Variants in RUNDC3B observed in about 807,000 individuals in gnomAD.
The protein encoded by RUNDC3B is RUN domain containing 3B.
RUNDC3B carries 33 observed loss-of-function variants against 58.4 expected under a neutral mutation model. The ratio of observed to expected loss-of-function variants is 0.56; its 90% confidence interval spans 0.43 to 0.75. The LOEUF (loss-of-function observed/expected upper bound fraction) is 0.75, where lower values mean the gene tolerates loss of function less well. Among genes scored for constraint, RUNDC3B ranks in the 30% least tolerant of loss-of-function variants. RUNDC3B has a pLI of 0.00. For missense variants in RUNDC3B, 501 were observed against 535.7 expected (o/e 0.94, Z 0.64); for synonymous variants, 193 against 195.2 (o/e 0.99, Z 0.10).
chr7:87,820,377 G>A (rs1327897630), intron 10 of RUNDC3B, among the ~76,000 whole-genome samples: 3 of 152,174 alleles, frequency 2.0e-5, no homozygotes, highest in Non-Finnish European at 2.9e-5. Context: ...AACAGGATCT[G>A]AAATTGTGAC....
At chr7:87,735,367 T>C (rs983863698) in intron 4 of RUNDC3B, among the ~76,000 whole-genome samples, 3 of 152,214 alleles carry the variant, frequency 2.0e-5, no homozygotes, top group African/African-American at 7.2e-5. Context: ...CCTCCTGACC[T>C]TCCAGTTTGC....
intron 4 of RUNDC3B, among the ~76,000 whole-genome samples, chr7:87,723,300 TG>T (rs1490531135): frequency 6.6e-6 from 1 of 152,140 alleles, no homozygotes; most frequent in Admixed American, 6.6e-5. Flanking sequence ...CTAAAATATT[TG>T]GAAATTTAGA....
chr7:87,814,101 CTTTT>C (rs528299203), intron 9 of RUNDC3B, among the ~76,000 whole-genome samples: 13 of 138,708 alleles, frequency 9.4e-5, no homozygotes, highest in Non-Finnish European at 1.4e-4. Context: ...TCTTTCTTTC[CTTTT>C]TTTTTTTTTT....
chr7:87,820,769 C>T (rs1199069556), intron 10 of RUNDC3B, among the ~76,000 whole-genome samples: 6 of 151,100 alleles, frequency 4.0e-5, no homozygotes, highest in African/African-American at 1.5e-4. Context: ...AGCATATAAA[C>T]AGAACCAAAG....
chr7:87,649,577 A>G (rs1823365373), intron 1 of RUNDC3B, among the ~76,000 whole-genome samples: 1 of 152,232 alleles, frequency 6.6e-6, no homozygotes, highest in Admixed American at 6.5e-5. Context: ...TGGAAAATAC[A>G]TTGATTTTTG....
chr7:87,719,535 TA>T (rs1215826001), intron 4 of RUNDC3B, among the ~76,000 whole-genome samples: 3 of 151,908 alleles, frequency 2.0e-5, no homozygotes, highest in Admixed American at 1.3e-4. Context: ...AGCTGTAGTA[TA>T]GGGGAAGAAA....
intron 2 of RUNDC3B, chr7:87,694,078 G>T: frequency 6.6e-7 from 1 of 1,512,706 alleles, no homozygotes; most frequent in South Asian, 1.3e-5. Context: ...GTTTTGTAAA[G>T]CCTTCTTTTT....
intron 3 of RUNDC3B, among the ~76,000 whole-genome samples, chr7:87,707,903 A>G (rs1829750620): frequency 6.6e-6 from 1 of 152,084 alleles, no homozygotes; most frequent in Non-Finnish European, 1.5e-5. Context: ...ATATGAGTGA[A>G]ACTGAGGAGA....
At chr7:87,738,352 T>C (rs1038656445) in intron 4 of RUNDC3B, among the ~76,000 whole-genome samples, 1 of 152,012 alleles carries the variant, frequency 6.6e-6, no homozygotes, top group African/African-American at 2.4e-5. Flanking sequence ...AATCCTTCCA[T>C]TTATTTTACT....
intron 10 of RUNDC3B, among the ~76,000 whole-genome samples, chr7:87,827,288 G>T (rs1837866465): frequency 6.6e-6 from 1 of 152,196 alleles, no homozygotes; most frequent in South Asian, 2.1e-4. Context: ...AGGAGTTCGA[G>T]ACCAGCCTGA....
At chr7:87,798,560 T>C (rs1401528844) in intron 8 of RUNDC3B, among the ~76,000 whole-genome samples, 1 of 152,224 alleles carries the variant, frequency 6.6e-6, no homozygotes, top group East Asian at 1.9e-4. Context: ...TGATAACTCT[T>C]ACTTTCTAGC....
At chr7:87,810,822 G>A (rs1373898900) in intron 9 of RUNDC3B, among the ~76,000 whole-genome samples, 1 of 151,914 alleles carries the variant, frequency 6.6e-6, no homozygotes, top group Non-Finnish European at 1.5e-5. Context: ...TGAAATATAT[G>A]CTTTTATAGT....
intron 7 of RUNDC3B, among the ~76,000 whole-genome samples, chr7:87,773,249 C>T (rs922591590): frequency 6.8e-6 from 1 of 147,974 alleles, no homozygotes; most frequent in Non-Finnish European, 1.5e-5. Context: ...CATGAACCCG[C>T]GAGGCGGAGC....
At position 87,694,059 on chromosome 7, in the gene RUNDC3B, A is replaced by G; in HGVS notation, c.239-6362A>G. The G allele has an allele frequency of 1.0e-5, 16 of 1,534,320 alleles. No homozygotes were observed. The South Asian group carries it at 2.1e-4, about 20-fold the overall frequency. On this transcript the variant is annotated intron_variant, in intron 2 of 10. Coordinates refer to ENST00000394654, the MANE Select transcript of RUNDC3B (RefSeq NM_001134405.2). ...TCAGTTAAGTGATCTTTTTTAGTAC[A>G]TTGCATGGGTTTTGTAAAGCCTTCT...
At chr7:87,666,071 A>G (rs1298326313) in intron 2 of RUNDC3B, among the ~76,000 whole-genome samples, 2 of 152,052 alleles carry the variant, frequency 1.3e-5, no homozygotes, top group African/African-American at 4.8e-5. Flanking sequence ...GTCTTCCACA[A>G]TGACTGATGA....
chr7:87,827,477 ACT>A (rs1374081930), intron 10 of RUNDC3B, among the ~76,000 whole-genome samples: 3 of 152,168 alleles, frequency 2.0e-5, no homozygotes, highest in East Asian at 1.9e-4. Context: ...CTAGAGTGAG[ACT>A]CTGTCTCAAA....
chr7:87,725,200 C>T (rs1474266313), intron 4 of RUNDC3B, among the ~76,000 whole-genome samples: 1 of 152,150 alleles, frequency 6.6e-6, no homozygotes, highest in African/African-American at 2.4e-5. Context: ...ATTAACTTGT[C>T]ATTTACATTA....
At chr7:87,762,801 A>G (rs1833767929) in intron 6 of RUNDC3B, among the ~76,000 whole-genome samples, 1 of 151,406 alleles carries the variant, frequency 6.6e-6, no homozygotes, top group Non-Finnish European at 1.5e-5. Context: ...CCAAGAATTT[A>G]TGAAATACAT....
intron 6 of RUNDC3B, among the ~76,000 whole-genome samples, chr7:87,770,121 A>T (rs73706920): frequency 0.014 from 2,065 of 152,016 alleles, 48 homozygotes; most frequent in African/African-American, 0.047. Context: ...AGCTGAGCTG[A>T]TCTTGACACA....
Sources: allele counts gnomAD v4.1 joint callset (sites outside exome capture counted in the v4.1 genomes callset), GRCh38; gene constraint gnomAD v4.1.1; transcripts MANE v1.5; gene names NCBI Gene and HGNC (gene_info 2026-07-23, HGNC 2026-07-21).